GRID2: variants seen among roughly 807,000 people sequenced by gnomAD.
GRID2 encodes glutamate ionotropic receptor delta type subunit 2, also known as glutamate receptor ionotropic, delta-2.
Under a neutral mutation model 114.8 loss-of-function variants are expected in GRID2, and 33 were observed. The observed-to-expected ratio is 0.29, with a 90% CI of 0.22 to 0.38. The LOEUF (loss-of-function observed/expected upper bound fraction) is 0.38. Among genes scored for constraint, GRID2 ranks in the 10% least tolerant of loss-of-function variants. The pLI is 1.00. For missense variants in GRID2, 1,184 were observed against 1,257.7 expected, an observed-to-expected ratio of 0.94 and a Z score of 0.89; for synonymous variants, 505 against 449.9, an observed-to-expected ratio of 1.12 and a Z score of -1.55.
chr4:93,294,438 A>G (rs572783187), intron 8 of GRID2, among the ~76,000 whole-genome samples: 48 of 152,304 alleles, frequency 3.2e-4, no homozygotes, highest in Admixed American at 5.2e-4. Context: ...ATGCATTTGT[A>G]TGTGTGTATG....
At chr4:92,639,081 T>C (rs1731220185) in intron 2 of GRID2, among the ~76,000 whole-genome samples, 1 of 151,532 alleles carries the variant, frequency 6.6e-6, no homozygotes, top group African/African-American at 2.4e-5. Context: ...GTAATGAAAC[T>C]CTTCCCTCAT....
chr4:93,154,104 A>G (rs1283054493), intron 4 of GRID2, among the ~76,000 whole-genome samples: 1 of 151,962 alleles, frequency 6.6e-6, no homozygotes, highest in Non-Finnish European at 1.5e-5. Flanking sequence ...ATTGTTACCA[A>G]CTGATTAGGG....
chr4:92,339,630 G>C (rs948751448), intron 1 of GRID2, among the ~76,000 whole-genome samples: 1 of 152,120 alleles, frequency 6.6e-6, no homozygotes, highest in Non-Finnish European at 1.5e-5. Context: ...GGTCACAGAA[G>C]ATTTAAACCC....
At chr4:92,862,414 T>C (rs1029688107) in intron 2 of GRID2, among the ~76,000 whole-genome samples, 2 of 152,102 alleles carry the variant, frequency 1.3e-5, no homozygotes, top group Admixed American at 1.3e-4. Flanking sequence ...TTTTTTTATT[T>C]TCTACAAAGT....
intron 2 of GRID2, among the ~76,000 whole-genome samples, chr4:92,606,184 G>C (rs62310149): frequency 0.058 from 8,786 of 151,984 alleles, 295 homozygotes; most frequent in East Asian, 0.12. Flanking sequence ...CTGTACACTT[G>C]TACAAAAGAG....
intron 10 of GRID2, among the ~76,000 whole-genome samples, chr4:93,431,241 A>G (rs991830483): frequency 3.3e-5 from 5 of 152,156 alleles, no homozygotes; most frequent in Non-Finnish European, 7.3e-5. Context: ...AGCATTCTGA[A>G]GCTCACTGTG....
intron 14 of GRID2, among the ~76,000 whole-genome samples, chr4:93,753,972 T>C (rs1214252680): frequency 6.6e-6 from 1 of 152,204 alleles, no homozygotes; most frequent in Non-Finnish European, 1.5e-5. Flanking sequence ...CATTGTTTTA[T>C]GAACATCGCA....
In GRID2 at chr4:92,854,636, G is replaced by T. The variant is rs144625376; in HGVS notation, c.245-230359G>T. Among the ~76,000 whole-genome samples, 900 of 150,620 alleles carry T rather than the reference G, an allele frequency of 6.0e-3. 16 individuals are homozygous for T. Among genetic ancestry groups the T allele is most frequent in the African/African-American group, 0.021 (854 of 41,346 alleles). Reference sequence around the variant, plus strand: ...TCTACGTAAACAAGATGATATGAAAGTCAGGAAAAGTAAACTTTAAATATA... The same window carrying T: ...TCTACGTAAACAAGATGATATGAAATTCAGGAAAAGTAAACTTTAAATATA... On this transcript the variant is annotated intron_variant, in intron 2 of 15. Transcript: ENST00000282020.
intron 1 of GRID2, among the ~76,000 whole-genome samples, chr4:93,799,605 A>G (rs1303640949): frequency 6.6e-6 from 1 of 152,344 alleles, no homozygotes; most frequent in South Asian, 2.1e-4. Context: ...TAAAATTTGA[A>G]TAATTACATT....
chr4:92,585,877 G>A (rs1213584129), intron 1 of GRID2, among the ~76,000 whole-genome samples: 1 of 151,822 alleles, frequency 6.6e-6, no homozygotes, highest in Non-Finnish European at 1.5e-5. Context: ...TTCTGGAATC[G>A]TAATAATGCC....
At chr4:92,607,128 A>G (rs905924380) in intron 2 of GRID2, among the ~76,000 whole-genome samples, 2 of 152,008 alleles carry the variant, frequency 1.3e-5, no homozygotes, top group Non-Finnish European at 2.9e-5. Context: ...AATTTTTGCA[A>G]TCAGACCTTG....
At chr4:92,650,232 G>T (rs1731859154) in intron 2 of GRID2, among the ~76,000 whole-genome samples, 1 of 151,906 alleles carries the variant, frequency 6.6e-6, no homozygotes, top group Non-Finnish European at 1.5e-5. Context: ...CAAGTCATTC[G>T]GTTATAGCTG....
At chr4:93,417,764 A>C (rs527242428) in intron 9 of GRID2, among the ~76,000 whole-genome samples, 1 of 151,958 alleles carries the variant, frequency 6.6e-6, no homozygotes, top group East Asian at 1.9e-4. Flanking sequence ...ACATTCATTC[A>C]TTTTAGGGTA....
At chr4:92,534,329 C>T (rs80281625) in intron 1 of GRID2, among the ~76,000 whole-genome samples, 2,095 of 152,214 alleles carry the variant, frequency 0.014, 48 homozygotes, top group African/African-American at 0.048. Flanking sequence ...TTGTAGCACA[C>T]TTCAAAGATT....
At chr4:92,800,204 A>G (rs1223486225) in intron 2 of GRID2, among the ~76,000 whole-genome samples, 1 of 151,934 alleles carries the variant, frequency 6.6e-6, no homozygotes, top group African/African-American at 2.4e-5. Flanking sequence ...TTTTTTCTAA[A>G]ACAGGACTTC....
intron 10 of GRID2, among the ~76,000 whole-genome samples, chr4:93,446,211 A>G (rs1722077488): frequency 6.6e-6 from 1 of 152,008 alleles, no homozygotes. Context: ...ACTCATTCAC[A>G]TGGTGATCCA....
Position 92,722,593 on chromosome 4 carries a change from A to G in GRID2, c.244+132307A>G, listed in dbSNP as rs1057288771. 2.6e-5 allele frequency among the ~76,000 whole-genome samples: 4 copies of G among 152,238 alleles called. No individual in the cohort carries two copies. The South Asian group carries it at 8.3e-4, about 32-fold the overall frequency. On this transcript the variant is annotated intron_variant, in intron 2 of 15. Transcript: ENST00000282020. Reference sequence around the variant, plus strand: ...CTAAGTGTGGCCCAGTTAACAAGAAATAAGGAAAGTTTCAATTTAGTATAC... The same window carrying G: ...CTAAGTGTGGCCCAGTTAACAAGAAGTAAGGAAAGTTTCAATTTAGTATAC...
At chr4:93,323,743 T>A (rs1394175293) in intron 8 of GRID2, among the ~76,000 whole-genome samples, 1 of 152,170 alleles carries the variant, frequency 6.6e-6, no homozygotes, top group Non-Finnish European at 1.5e-5. Context: ...TTTGTAGTTC[T>A]CCTTGAAGAG....
intron 14 of GRID2, among the ~76,000 whole-genome samples, chr4:93,752,633 G>C (rs1190553635): frequency 6.6e-6 from 1 of 152,100 alleles, no homozygotes; most frequent in African/African-American, 2.4e-5. Flanking sequence ...GCCTCCCAAA[G>C]TGCTGGGATT....
Sources: gnomAD v4.1 joint callset for allele counts (sites outside exome capture counted in the v4.1 genomes callset) on GRCh38, gnomAD v4.1.1 for gene constraint, MANE v1.5 for transcripts, NCBI Gene and HGNC (gene_info 2026-07-23, HGNC 2026-07-21) for gene names.